USP13: variants seen among roughly 807,000 people sequenced by gnomAD.
The protein encoded by USP13 is ubiquitin specific peptidase 13.
USP13 carries 68 observed loss-of-function variants against 107.8 expected under a neutral mutation model. That is an observed-to-expected ratio of 0.63 (90% CI 0.52 to 0.77). USP13 has a LOEUF of 0.77. USP13 is among the 30% of genes least tolerant of loss of function. The probability of loss-of-function intolerance (pLI) is 0.00; values close to 1 mark genes in which losing one functional copy is unlikely to be tolerated. For synonymous variants in USP13, 377 were observed against 389.5 expected, an observed-to-expected ratio of 0.97 and a Z score of 0.38; for missense variants, 945 against 1,093.3, an observed-to-expected ratio of 0.86 and a Z score of 1.91.
intron 1 of USP13, among the ~76,000 whole-genome samples, chr3:179,673,351 A>T (rs76665697): frequency 0.022 from 3,357 of 152,260 alleles, 87 homozygotes; most frequent in Middle Eastern, 0.065. Flanking sequence ...CCTGCCCTGT[A>T]GCAGGTACTG....
At chr3:179,681,536 C>G (rs1438526276) in intron 1 of USP13, among the ~76,000 whole-genome samples, 1 of 152,126 alleles carries the variant, frequency 6.6e-6, no homozygotes, top group Non-Finnish European at 1.5e-5. Flanking sequence ...GGGTGCCATC[C>G]ACCGAGCGCG....
At chr3:179,714,576 G>A (rs1713040439) in intron 6 of USP13, among the ~76,000 whole-genome samples, 1 of 152,174 alleles carries the variant, frequency 6.6e-6, no homozygotes, top group Non-Finnish European at 1.5e-5. Context: ...CTCACACATA[G>A]TAGGTGCTCA....
intron 1 of USP13, among the ~76,000 whole-genome samples, chr3:179,677,215 A>C (rs1030887834): frequency 6.6e-6 from 1 of 151,998 alleles, no homozygotes; most frequent in African/African-American, 2.4e-5. Context: ...CTGAGTGTCA[A>C]ATAATTTTTC....
chr3:179,768,801 C>T (rs1045896880), intron 19 of USP13, among the ~76,000 whole-genome samples: 1 of 152,136 alleles, frequency 6.6e-6, no homozygotes, highest in Non-Finnish European at 1.5e-5. Context: ...TGGCAGTATA[C>T]TACTATGTTA....
intron 3 of USP13, among the ~76,000 whole-genome samples, chr3:179,691,167 TAAAAA>T (rs57267808): frequency 7.1e-6 from 1 of 140,100 alleles, no homozygotes; most frequent in Non-Finnish European, 1.5e-5. Context: ...ATCCTGTCTT[TAAAAA>T]AAAAAAAAAA....
chr3:179,774,259 TC>T (rs1715434456), intron 19 of USP13, among the ~76,000 whole-genome samples: 1 of 152,192 alleles, frequency 6.6e-6, no homozygotes, highest in Non-Finnish European at 1.5e-5. Context: ...TCATGAGGGA[TC>T]CACCTCCATG....
At chr3:179,739,145 A>G (rs1714095705) in intron 10 of USP13, among the ~76,000 whole-genome samples, 1 of 151,922 alleles carries the variant, frequency 6.6e-6, no homozygotes, top group Non-Finnish European at 1.5e-5. Flanking sequence ...GGCAGCCGTC[A>G]CCTCCTCCTG....
intron 6 of USP13, among the ~76,000 whole-genome samples, chr3:179,710,196 C>T (rs192640576): frequency 2.0e-5 from 3 of 152,242 alleles, no homozygotes; most frequent in African/African-American, 4.8e-5. Flanking sequence ...CTAAATCTTC[C>T]AGGATTGAAA....
intron 10 of USP13, among the ~76,000 whole-genome samples, chr3:179,734,020 A>G (rs773544076): frequency 1.5e-4 from 23 of 152,188 alleles, no homozygotes; most frequent in Non-Finnish European, 3.2e-4. Context: ...GTGGATGACA[A>G]AAGGGGGCGT....
intron 2 of USP13, among the ~76,000 whole-genome samples, chr3:179,688,116 T>TCCATCCATCCAC (rs1347863367): frequency 6.0e-5 from 9 of 150,082 alleles, no homozygotes; most frequent in Non-Finnish European, 5.9e-5. Context: ...CATCCATCCA[T>TCCATCCATCCAC]CCATCCATCC....
rs1322666465 is a variant in USP13 at position 179,653,699 on chromosome 3, A to C, written c.168+306A>C. ...TGAAATACAAGAGTTCCCTGTTCCG[A>C]ACTGCACGTTGCAGATCGTTTGCGT... On this transcript the variant is annotated intron_variant, in intron 1 of 20. Coordinates refer to ENST00000263966, the MANE Select transcript of USP13 (RefSeq NM_003940.3). The surrounding 1 kb of genome is among the most constrained non-coding windows in gnomAD (Gnocchi z 4.0). The C allele has an allele frequency of 3.1e-6, 1 of 322,398 alleles. No individual in the cohort carries two copies. Among genetic ancestry groups the C allele is most frequent in the African/African-American group, 2.2e-5 (1 of 45,786 alleles). 20.0% of individuals were successfully genotyped at this position (322,398 alleles called of 1,614,324 possible).
In USP13 at chr3:179,745,202, A is replaced by C; in HGVS notation, c.1694A>C (p.Lys565Thr). The change falls in exon 13 of 21, where the codon AAG becomes ACG. Residue 565 changes from lysine to threonine, a missense_variant. Coordinates refer to ENST00000263966, the MANE Select transcript of USP13 (RefSeq NM_003940.3). Reference protein sequence around the residue: ...DDFWSSALQAKSAGVKTSRFA... With the variant: ...DDFWSSALQATSAGVKTSRFA... ...TTCTGGAGCAGTGCCCTACAAGCAA[A>C]GTCTGCGGGTGTGAAGTAAGTGTGT... The C allele has an allele frequency of 6.4e-7, 1 of 1,559,248 alleles. No homozygotes were observed. The highest frequency in any genetic ancestry group is 8.7e-7 in the Non-Finnish European group (1 of 1,147,850).
At position 179,735,022 on chromosome 3, in the gene USP13, G is replaced by A. The variant is rs150482522; in HGVS notation, c.1254+4313G>A. On this transcript the variant is annotated intron_variant, in intron 10 of 20. Transcript: ENST00000263966. ...TTGGGAGAGATTCTGAACACTGAAG[G>A]CCTCCCTCTAATTTTAGCTGATCTG... is the stretch of plus-strand genomic sequence containing the variant. 3.0e-4 allele frequency among the ~76,000 whole-genome samples: 46 copies of A among 152,312 alleles called. 1 individual carries two copies. The highest frequency in any genetic ancestry group is 7.8e-4 in the Admixed American group (12 of 15,302).
Position 179,742,100 on chromosome 3 carries a change from A to G in USP13, c.1381-97A>G. On this transcript the variant is annotated intron_variant, in intron 11 of 20. Transcript: ENST00000263966. This position sits in a 1 kb window ranked among gnomAD's most constrained non-coding sequence, Gnocchi z 5.0. Reference sequence around the variant, plus strand: ...CATGGCCAGAGGAAATGTTTAATAAAGCCAAGTGTTTACACCGGGTTTAGA... The same window carrying G: ...CATGGCCAGAGGAAATGTTTAATAAGGCCAAGTGTTTACACCGGGTTTAGA... 2 of 1,467,818 alleles carry G rather than the reference A, an allele frequency of 1.4e-6. No individual in the cohort carries two copies. Among genetic ancestry groups the G allele is most frequent in the Non-Finnish European group, 1.9e-6 (2 of 1,073,210 alleles). The allele number at this position is 1,467,818 out of a possible 1,614,324, so 90.9% of individuals were successfully genotyped here.
At chr3:179,777,315 C>G (rs1283315307) in intron 19 of USP13, among the ~76,000 whole-genome samples, 2 of 151,978 alleles carry the variant, frequency 1.3e-5, no homozygotes, top group African/African-American at 4.8e-5. Context: ...CTTTGTTTCA[C>G]TGATGTGACC....
rs754596072 is a variant in USP13 at position 179,653,258 on chromosome 3, G to A, written c.33G>A (p.Pro11=). The part of the protein sequence containing the change: MQRRGALFGM[P]GGSGGRKMAA... ...GCCGGGGCGCCCTGTTCGGCATGCC[G>A]GGCGGCAGCGGAGGCAGGAAGATGG... Residue 11 remains proline, a synonymous_variant, in exon 1 of 21, where the codon CCG becomes CCA. Coordinates refer to ENST00000263966, the MANE Select transcript of USP13 (RefSeq NM_003940.3). The surrounding 1 kb of genome is among the most constrained non-coding windows in gnomAD (Gnocchi z 4.0). 1 of 1,560,108 alleles carries A rather than the reference G, an allele frequency of 6.4e-7. No individual in the cohort carries two copies.
At chr3:179,774,585 A>T (rs1315090538) in intron 19 of USP13, among the ~76,000 whole-genome samples, 1 of 150,768 alleles carries the variant, frequency 6.6e-6, no homozygotes, top group Non-Finnish European at 1.5e-5. Context: ...CGCTGGCCTC[A>T]GGAGTGAAGC....
At chr3:179,680,206 G>A (rs1442134241) in intron 1 of USP13, among the ~76,000 whole-genome samples, 32 of 128,996 alleles carry the variant, frequency 2.5e-4, no homozygotes, top group African/African-American at 6.2e-4. Context: ...ACAACAAAAA[G>A]AAAGAGAGAG....
chr3:179,744,446 T>C, intron 12 of USP13, among the ~76,000 whole-genome samples: 1 of 152,198 alleles, frequency 6.6e-6, no homozygotes, highest in Non-Finnish European at 1.5e-5. Context: ...TGTATGTGTG[T>C]GTGATCATTG....
Sources: allele counts gnomAD v4.1 joint callset (sites outside exome capture counted in the v4.1 genomes callset), GRCh38; gene constraint gnomAD v4.1.1; non-coding constraint Gnocchi (gnomAD v3.1); transcripts MANE v1.5; gene names NCBI Gene and HGNC (gene_info 2026-07-23, HGNC 2026-07-21).